PTPRB: variants seen among roughly 807,000 people sequenced by gnomAD.
PTPRB encodes the protein protein tyrosine phosphatase receptor type B, also known as receptor-type tyrosine-protein phosphatase beta.
Under a neutral mutation model 238.1 loss-of-function variants are expected in PTPRB, and 97 were observed. The observed-to-expected ratio is 0.41, with a 90% CI of 0.35 to 0.48. The LOEUF (loss-of-function observed/expected upper bound fraction) is 0.48. PTPRB is among the 20% of genes least tolerant of loss of function. PTPRB has a pLI of 0.30. For synonymous variants in PTPRB, 970 were observed against 995.4 expected, an observed-to-expected ratio of 0.97 and a Z score of 0.48; for missense variants, 2,292 against 2,681.9, an observed-to-expected ratio of 0.85 and a Z score of 3.21.
chr12:70,635,631 A>C, intron 2 of PTPRB, 40 bp downstream of exon 2: 1 of 1,578,092 alleles, frequency 6.3e-7, no homozygotes, highest in Non-Finnish European at 8.6e-7. Context: ...GATATTTAGT[A>C]GAAAGACTTT....
chr12:70,527,146 T>G (rs1349311127), intron 32 of PTPRB, among the ~76,000 whole-genome samples: 1 of 152,208 alleles, frequency 6.6e-6, no homozygotes, highest in Non-Finnish European at 1.5e-5. Context: ...TATTAGATAT[T>G]ATTTATAGTA....
At chr12:70,597,184 G>C (rs1029710550) in intron 4 of PTPRB, among the ~76,000 whole-genome samples, 2 of 152,160 alleles carry the variant, frequency 1.3e-5, no homozygotes, top group Middle Eastern at 3.4e-3. Context: ...AGCTTCCCAA[G>C]GTGCTGGGAT....
chr12:70,575,345 C>G (rs1880561940), intron 11 of PTPRB, among the ~76,000 whole-genome samples: 1 of 152,160 alleles, frequency 6.6e-6, no homozygotes, highest in Non-Finnish European at 1.5e-5. Flanking sequence ...AGGTTCTTAG[C>G]TTTTTGGAGG....
Position 70,534,546 on chromosome 12 carries a change from T to G in PTPRB, c.6310A>C (p.Thr2104Pro), listed in dbSNP as rs768011114. 2 of 1,613,426 alleles carry G rather than the reference T, an allele frequency of 1.2e-6. No individual in the cohort carries two copies. The highest frequency in any genetic ancestry group is 1.7e-6 in the Non-Finnish European group (2 of 1,179,720). Residue 2104 changes from threonine to proline, a missense_variant, in exon 31 of 34, where the codon ACT becomes CCT. Thr to Pro is a conservative substitution (Grantham distance 38, BLOSUM62 -1). Around this residue, in one of 4 missense-constraint regions of PTPRB, gnomAD observed 397 missense variants for 502.0 expected, o/e 0.79. Transcript: ENST00000334414. ...TTQSLIQFVR[T>P]VRDYINRSPG... ...CTTCTGTTGATGTAGTCCCTGACAGTTCTCACAAACTGGATCAGAGACTGG... is the reference window on the plus strand; with the variant it reads ...CTTCTGTTGATGTAGTCCCTGACAGGTCTCACAAACTGGATCAGAGACTGG...
intron 2 of PTPRB, among the ~76,000 whole-genome samples, chr12:70,634,747 C>T (rs912001934): frequency 4.6e-5 from 7 of 152,170 alleles, no homozygotes; most frequent in African/African-American, 1.7e-4. Context: ...AGATCTGCTG[C>T]TAATTTATCT....
chr12:70,628,180 A>G (rs1405961907), intron 2 of PTPRB, among the ~76,000 whole-genome samples: 1 of 152,168 alleles, frequency 6.6e-6, no homozygotes, highest in East Asian at 1.9e-4. Context: ...CAGCCCTTGG[A>G]ATTAAAAAAG....
At position 70,540,961 on chromosome 12, in the gene PTPRB, C is replaced by T. The variant is rs1423974644; in HGVS notation, c.5495-4G>A. The T allele has an allele frequency of 5.6e-6, 9 of 1,596,066 alleles. No individual in the cohort carries two copies. In the South Asian group the frequency reaches 8.0e-5, roughly 14 times the overall value. On this transcript the variant is annotated splice_polypyrimidine_tract_variant and splice_region_variant and intron_variant, in intron 22 of 33. Transcript: ENST00000334414. Reference sequence around the variant, plus strand: ...TCAATAGCTCCAAACAAGGGCTCTACAATAATCCAGATAGAAACAACAAAC... The same window carrying T: ...TCAATAGCTCCAAACAAGGGCTCTATAATAATCCAGATAGAAACAACAAAC...
chr12:70,589,943 A>G, intron 8 of PTPRB, 21 bp downstream of exon 8: 1 of 1,607,734 alleles, frequency 6.2e-7, no homozygotes, highest in South Asian at 1.1e-5. Context: ...CATTGGTATT[A>G]ACATCTTCAT....
chr12:70,610,245 C>T (rs866438338), intron 3 of PTPRB, among the ~76,000 whole-genome samples: 1 of 152,226 alleles, frequency 6.6e-6, no homozygotes, highest in African/African-American at 2.4e-5. Flanking sequence ...CGCGCCGATA[C>T]CTTCCCGGCC....
chr12:70,617,891 A>C (rs142801683), intron 3 of PTPRB, among the ~76,000 whole-genome samples: 1 of 152,226 alleles, frequency 6.6e-6, no homozygotes, highest in African/African-American at 2.4e-5. Context: ...ATTTAGCAGT[A>C]TCAGAACCAG....
At chr12:70,528,225 C>G (rs1872681501) in intron 32 of PTPRB, among the ~76,000 whole-genome samples, 1 of 152,118 alleles carries the variant, frequency 6.6e-6, no homozygotes, top group Non-Finnish European at 1.5e-5. Context: ...CTGGCAGACC[C>G]TAAACACTGG....
chr12:70,588,205 T>A (rs557245435), intron 8 of PTPRB, among the ~76,000 whole-genome samples: 1 of 152,250 alleles, frequency 6.6e-6, no homozygotes, highest in East Asian at 1.9e-4. Context: ...TTTGCATCCA[T>A]AAATTTTCTA....
At chr12:70,559,805 C>T (rs1048697090) in intron 17 of PTPRB, among the ~76,000 whole-genome samples, 181 bp from the exon 18 acceptor site, 3 of 147,598 alleles carry the variant, frequency 2.0e-5, no homozygotes, top group Admixed American at 6.8e-5. Flanking sequence ...GCACTGTCTT[C>T]GAGCATTTTA....
At position 70,571,039 on chromosome 12, in the gene PTPRB, A is replaced by C; in HGVS notation, c.3357T>G (p.Ile1119Met). Residue 1119 changes from isoleucine (I) to methionine (M), a missense_variant, in exon 13 of 34, where the codon ATT becomes ATG. Transcript: ENST00000334414. ...ISGDVQQSAF[I>M]EGFTVPSAVK... ...ATTTCACATTACCTGTGAAGCCCTC[A>C]ATGAAGGCTGACTGCTGTACATCCC... is the stretch of plus-strand genomic sequence containing the variant. The C allele has an allele frequency of 6.2e-7, 1 of 1,613,996 alleles. No homozygotes were observed. The highest frequency in any genetic ancestry group is 1.1e-5 in the South Asian group (1 of 91,082).
Position 70,557,895 on chromosome 12 carries a change from C to T in PTPRB, c.4714+1448G>A, listed in dbSNP as rs182109793. Among the ~76,000 whole-genome samples the T allele has an allele frequency of 5.9e-5, 9 of 152,248 alleles. No homozygotes were observed. In the East Asian group the frequency reaches 1.5e-3, roughly 26 times the overall value. On this transcript the variant is annotated intron_variant, in intron 18 of 33. Transcript: ENST00000334414. ...AGGACAGGGTCCTTCTACTGTGGCC[C>T]GAGAGGGGTGCACTTAGCCAACTGC...
intron 21 of PTPRB, among the ~76,000 whole-genome samples, chr12:70,546,407 T>C (rs1253132767): frequency 6.6e-6 from 1 of 152,154 alleles, no homozygotes; most frequent in Non-Finnish European, 1.5e-5. Flanking sequence ...GAGAAGCCTG[T>C]GATCCCTATC....
At chr12:70,581,440 T>A in intron 9 of PTPRB, 138 bp from the exon 10 acceptor site, 1 of 934,922 alleles carries the variant, frequency 1.1e-6, no homozygotes, top group Non-Finnish European at 1.6e-6. Flanking sequence ...CTCTCAGTTC[T>A]ATTTCCTGTG....
Position 70,540,886 on chromosome 12 carries a change from C to T in PTPRB, c.5566G>A (p.Ala1856Thr). The change falls in exon 23 of 34, where the codon GCC becomes ACC. Residue 1856 changes from alanine to threonine, a missense_variant. Ala to Thr is a moderately conservative substitution (Grantham distance 58). This residue lies in a region of PTPRB where 397 missense variants were observed against 502.0 expected (regional missense o/e 0.79). Transcript: ENST00000334414. ...ACTTTCTGTCTGCAGATCAATAAGG[C>T]AACAACAGCCACTAGCATGCCAATT... is the stretch of plus-strand genomic sequence containing the variant. Reference protein sequence around the residue: ...FLIGMLVAVVALLICRQKVSH... With the variant: ...FLIGMLVAVVTLLICRQKVSH... 6.2e-7 allele frequency: 1 copy of T among 1,604,610 alleles called. No individual in the cohort carries two copies. Among genetic ancestry groups the T allele is most frequent in the Non-Finnish European group, 8.5e-7 (1 of 1,175,534 alleles).
chr12:70,589,819 C>A, intron 8 of PTPRB, 145 bp downstream of exon 8: 1 of 712,384 alleles, frequency 1.4e-6, no homozygotes, highest in Non-Finnish European at 2.2e-6. Flanking sequence ...GTGTTAGAAA[C>A]CCCATGTTAG....
Sources: allele counts gnomAD v4.1 joint callset (sites outside exome capture counted in the v4.1 genomes callset), GRCh38; gene constraint gnomAD v4.1.1; regional missense constraint gnomAD v4.1.1; transcripts MANE v1.5; gene names NCBI Gene and HGNC (gene_info 2026-07-23, HGNC 2026-07-21).